KIRREL3: variants seen among roughly 807,000 people sequenced by gnomAD.
KIRREL3 encodes kirre like nephrin family adhesion molecule 3, also known as kin of IRRE-like protein 3.
In KIRREL3, 36 loss-of-function variants were observed where a neutral mutation model predicts 89.7. The observed-to-expected ratio is 0.40, with a 90% confidence interval of 0.31 to 0.53. The LOEUF is 0.53. KIRREL3 is among the 20% of genes least tolerant of loss of function. The pLI is 0.49. For missense variants in KIRREL3, 864 were observed against 1,056.6 expected, an observed-to-expected ratio of 0.82 and a Z score of 2.53; for synonymous variants, 445 against 441.4, an observed-to-expected ratio of 1.01 and a Z score of -0.10.
At chr11:126,588,948 A>G (rs73627239) in intron 1 of KIRREL3, among the ~76,000 whole-genome samples, 1 of 152,296 alleles carries the variant, frequency 6.6e-6, no homozygotes, top group African/African-American at 2.4e-5. Flanking sequence ...AGCTTGCTGC[A>G]GGGAGAAAGA....
rs1382274125 is a variant in KIRREL3, at chr11:126,729,307, A to C, written c.56-166395T>G. On this transcript the variant is annotated intron_variant, in intron 1 of 16. Transcript: ENST00000525144. This position sits in a 1 kb window ranked among gnomAD's most constrained non-coding sequence, Gnocchi z 4.5. ...AACAAATCTAATTCTTTTAGGGAAAAGAGGTAGTGCATGGATAAAATGTGG... is the reference window on the plus strand; with the variant it reads ...AACAAATCTAATTCTTTTAGGGAAACGAGGTAGTGCATGGATAAAATGTGG... Among the ~76,000 whole-genome samples, 1 of 152,356 alleles carries C rather than the reference A, an allele frequency of 6.6e-6. No individual in the cohort carries two copies. Among genetic ancestry groups the C allele is most frequent in the East Asian group, 1.9e-4 (1 of 5,188 alleles).
chr11:126,599,982 A>G (rs1942580598), intron 1 of KIRREL3, among the ~76,000 whole-genome samples: 1 of 152,212 alleles, frequency 6.6e-6, no homozygotes, highest in Non-Finnish European at 1.5e-5. Flanking sequence ...ACTTGCTTCT[A>G]ACCAATAGAA....
In KIRREL3 at chr11:126,799,406, C is replaced by G. The variant is rs1209728676; in HGVS notation, c.55+201049G>C. 3.4e-3 allele frequency among the ~76,000 whole-genome samples: 281 copies of G among 83,374 alleles called. 16 individuals are homozygous for G. Among genetic ancestry groups the G allele is most frequent in the South Asian group, 0.011 (21 of 2,000 alleles). 54.7% of individuals were successfully genotyped at this position (83,374 alleles called of 152,430 possible). A position where few individuals can be genotyped will look rare whatever the true frequency, so the allele number is the denominator to read the frequency against. On this transcript the variant is annotated intron_variant, in intron 1 of 16. Transcript: ENST00000525144. ...TGCGTGTATCTGTGTGTGCATCTATCTGTGTGTGCGTCTCTGTGTGCATGT... is the reference window on the plus strand; with the variant it reads ...TGCGTGTATCTGTGTGTGCATCTATGTGTGTGTGCGTCTCTGTGTGCATGT...
At position 126,905,163 on chromosome 11, in the gene KIRREL3, G is replaced by A. The variant is rs192360354; in HGVS notation, c.55+95292C>T. Reference sequence around the variant, plus strand: ...ACAGCTCAGCTTGCAGAGGAGGAACGGGGCTTGATTCCATGGCTTCCCTAC... The same window carrying A: ...ACAGCTCAGCTTGCAGAGGAGGAACAGGGCTTGATTCCATGGCTTCCCTAC... On this transcript the variant is annotated intron_variant, in intron 1 of 16. Transcript: ENST00000525144. The surrounding 1 kb of genome is among the most constrained non-coding windows in gnomAD (Gnocchi z 5.0). Among the ~76,000 whole-genome samples, 176 of 152,262 alleles carry A rather than the reference G, an allele frequency of 1.2e-3. No individual in the cohort carries two copies. The highest frequency in any genetic ancestry group is 1.2e-3 in the Non-Finnish European group (81 of 68,020).
rs1949898222 is a variant in KIRREL3, at chr11:126,987,438, CACAG to C, written c.55+13013_55+13016del. ...TGAAAGGTAGATTTCCTGTTATTTTCACAGACAAACAGGAGAGGTAAGTGTTCAG... is the reference window on the plus strand; with the variant it reads ...TGAAAGGTAGATTTCCTGTTATTTTCACAAACAGGAGAGGTAAGTGTTCAG... On this transcript the variant is annotated intron_variant, in intron 1 of 16. Coordinates refer to ENST00000525144, the MANE Select transcript of KIRREL3 (RefSeq NM_032531.4). This position sits in a 1 kb window ranked among gnomAD's most constrained non-coding sequence, Gnocchi z 4.6. Among the ~76,000 whole-genome samples, 1 of 152,160 alleles carries C rather than the reference CACAG, an allele frequency of 6.6e-6. No individual in the cohort carries two copies. Among genetic ancestry groups the C allele is most frequent in the African/African-American group, 2.4e-5 (1 of 41,446 alleles).
Position 126,614,339 on chromosome 11 carries a change from C to T in KIRREL3, c.56-51427G>A, listed in dbSNP as rs1262320497. Among the ~76,000 whole-genome samples, 1 of 152,022 alleles carries T rather than the reference C, an allele frequency of 6.6e-6. No individual in the cohort carries two copies. The highest frequency in any genetic ancestry group is 1.9e-4 in the East Asian group (1 of 5,194). On this transcript the variant is annotated intron_variant, in intron 1 of 16. Coordinates refer to ENST00000525144, the MANE Select transcript of KIRREL3 (RefSeq NM_032531.4). This position sits in a 1 kb window ranked among gnomAD's most constrained non-coding sequence, Gnocchi z 4.6. ...AGGAGTTCTAATCCTATTTTTCCCTCTAAGTAGGTTTGTGACCTTGGACAA... is the reference window on the plus strand; with the variant it reads ...AGGAGTTCTAATCCTATTTTTCCCTTTAAGTAGGTTTGTGACCTTGGACAA...
chr11:126,817,961 G>A lies in KIRREL3; in HGVS notation c.55+182494C>T, dbSNP rs1347710476. ...TCTTGAATCAGAGGCTTCAGCAGGAGGAGAGGCTCAAATGAGCCCAAGCTG... is the reference window on the plus strand; with the variant it reads ...TCTTGAATCAGAGGCTTCAGCAGGAAGAGAGGCTCAAATGAGCCCAAGCTG... On this transcript the variant is annotated intron_variant, in intron 1 of 16. Transcript: ENST00000525144. This position sits in a 1 kb window ranked among gnomAD's most constrained non-coding sequence, Gnocchi z 5.7. Among the ~76,000 whole-genome samples the A allele has an allele frequency of 6.6e-6, 1 of 152,232 alleles. No individual in the cohort carries two copies. The highest frequency in any genetic ancestry group is 2.4e-5 in the African/African-American group (1 of 41,460).
At chr11:126,865,371 T>C (rs1023509950) in intron 1 of KIRREL3, among the ~76,000 whole-genome samples, 26 of 152,264 alleles carry the variant, frequency 1.7e-4, no homozygotes, top group African/African-American at 5.8e-4. Flanking sequence ...TGAGGCTGCC[T>C]GCTGCTTTCT....
intron 1 of KIRREL3, among the ~76,000 whole-genome samples, chr11:126,878,265 C>T (rs1019019265): frequency 3.3e-5 from 5 of 151,998 alleles, no homozygotes; most frequent in Admixed American, 3.3e-4. Context: ...GTTAAAAGTC[C>T]CCTGCAGCTA....
At position 126,946,363 on chromosome 11, in the gene KIRREL3, G is replaced by A. The variant is rs1948619811; in HGVS notation, c.55+54092C>T. Among the ~76,000 whole-genome samples, 2 of 152,100 alleles carry A rather than the reference G, an allele frequency of 1.3e-5. No individual in the cohort carries two copies. The highest frequency in any genetic ancestry group is 2.9e-5 in the Non-Finnish European group (2 of 68,016). On this transcript the variant is annotated intron_variant, in intron 1 of 16. Transcript: ENST00000525144. This position sits in a 1 kb window ranked among gnomAD's most constrained non-coding sequence, Gnocchi z 4.1. ...CACCATACTGGGAGTTGCAAGACCT[G>A]GTTTGGTCCTCATGCATTGGATCAC...
intron 1 of KIRREL3, among the ~76,000 whole-genome samples, chr11:126,841,475 T>C (rs758854118): frequency 6.6e-6 from 1 of 152,198 alleles, no homozygotes; most frequent in Non-Finnish European, 1.5e-5. Context: ...GACTCTCCTG[T>C]GGTGTCTGAG....
At position 126,537,331 on chromosome 11, in the gene KIRREL3, T is replaced by A. The variant is rs1271643477; in HGVS notation, c.134-10644A>T. Among the ~76,000 whole-genome samples the A allele has an allele frequency of 1.3e-5, 2 of 152,154 alleles. No individual in the cohort carries two copies. Among genetic ancestry groups the A allele is most frequent in the Non-Finnish European group, 2.9e-5 (2 of 68,036 alleles). The stretch of plus-strand genomic sequence containing the variant: ...ATGGTCACATTTGACCACAGGTTAC[T>A]GGATTACAAGGGATAAAGTGGTCTC... On this transcript the variant is annotated intron_variant, in intron 2 of 16. Coordinates refer to ENST00000525144, the MANE Select transcript of KIRREL3 (RefSeq NM_032531.4). The surrounding 1 kb of genome is among the most constrained non-coding windows in gnomAD (Gnocchi z 4.3).
chr11:126,618,648 T>A (rs1214031545), intron 1 of KIRREL3, among the ~76,000 whole-genome samples: 1 of 152,232 alleles, frequency 6.6e-6, no homozygotes, highest in Non-Finnish European at 1.5e-5. Flanking sequence ...TTGGCCAGGC[T>A]GGTCTCAAAC....
Position 126,467,608 on chromosome 11 carries a change from C to T in KIRREL3, c.592-4301G>A, listed in dbSNP as rs530082611. Among the ~76,000 whole-genome samples, 8 of 152,006 alleles carry T rather than the reference C, an allele frequency of 5.3e-5. No homozygotes were observed. The East Asian group carries it at 1.5e-3, about 29-fold the overall frequency. ...CCGCCTCGCTTCTCCCCGCTACTCA[C>T]CTTCCCCACCTGCTGGGTCCCTTTT... On this transcript the variant is annotated intron_variant, in intron 5 of 16. Transcript: ENST00000525144.
rs1213567227 is a variant in KIRREL3, at chr11:126,953,378, C to T, written c.55+47077G>A. 5.9e-5 allele frequency among the ~76,000 whole-genome samples: 9 copies of T among 152,088 alleles called. No homozygotes were observed. The highest frequency in any genetic ancestry group is 3.9e-4 in the East Asian group (2 of 5,166). ...AGATAGCATTAGGAGAAATACCTAA[C>T]GTAGATGAGGAGTCGATGGGTGCAG... On this transcript the variant is annotated intron_variant, in intron 1 of 16. Coordinates refer to ENST00000525144, the MANE Select transcript of KIRREL3 (RefSeq NM_032531.4). This position sits in a 1 kb window ranked among gnomAD's most constrained non-coding sequence, Gnocchi z 5.2.
Position 126,778,482 on chromosome 11 carries a change from A to G in KIRREL3, c.56-215570T>C, listed in dbSNP as rs986814883. Among the ~76,000 whole-genome samples the G allele has an allele frequency of 2.6e-4, 40 of 152,236 alleles. No homozygotes were observed. The highest frequency in any genetic ancestry group is 9.6e-4 in the African/African-American group (40 of 41,464). On this transcript the variant is annotated intron_variant, in intron 1 of 16. Coordinates refer to ENST00000525144, the MANE Select transcript of KIRREL3 (RefSeq NM_032531.4). This position sits in a 1 kb window ranked among gnomAD's most constrained non-coding sequence, Gnocchi z 4.5. ...CTGTGAGGTTGTGCTATAATGTATT[A>G]AGCCAATCCTCAATTGTTGGAATTT...
rs1365716261 is a variant in KIRREL3 at position 126,676,946 on chromosome 11, C to T, written c.56-114034G>A. Among the ~76,000 whole-genome samples, 6 of 151,882 alleles carry T rather than the reference C, an allele frequency of 4.0e-5. No individual in the cohort carries two copies. The highest frequency in any genetic ancestry group is 9.7e-5 in the African/African-American group (4 of 41,308). ...ACTACAGGCATGCACCACCACACCA[C>T]GCTAATTTTTAAAAAATTTTTTGTA... On this transcript the variant is annotated intron_variant, in intron 1 of 16. Transcript: ENST00000525144. This position sits in a 1 kb window ranked among gnomAD's most constrained non-coding sequence, Gnocchi z 4.5.
intron 1 of KIRREL3, among the ~76,000 whole-genome samples, chr11:126,721,896 C>T (rs1269079712): frequency 6.6e-6 from 1 of 152,196 alleles, no homozygotes; most frequent in African/African-American, 2.4e-5. Flanking sequence ...GATGGTGCCT[C>T]ACAGTCAAAA....
At chr11:126,598,129 G>A (rs1407821032) in intron 1 of KIRREL3, among the ~76,000 whole-genome samples, 2 of 152,252 alleles carry the variant, frequency 1.3e-5, no homozygotes, top group Non-Finnish European at 2.9e-5. Context: ...TCTGAAGAGC[G>A]GGACTTTCTG....
Sources: gnomAD v4.1 joint callset for allele counts (sites outside exome capture counted in the v4.1 genomes callset) on GRCh38, gnomAD v4.1.1 for gene constraint, Gnocchi (gnomAD v3.1) non-coding constraint, MANE v1.5 for transcripts, NCBI Gene and HGNC (gene_info 2026-07-23, HGNC 2026-07-21) for gene names.